CCDC171: variants seen among roughly 807,000 people sequenced by gnomAD.
CCDC171 encodes the protein coiled-coil domain containing 171.
In CCDC171, 177 loss-of-function variants were observed where a neutral mutation model predicts 168.2. The observed-to-expected ratio is 1.05, with a 90% CI of 0.93 to 1.19. The LOEUF (loss-of-function observed/expected upper bound fraction) is 1.19. Ranked by LOEUF, CCDC171 falls within the 50% of genes most tolerant of loss-of-function variation. The pLI, the probability that CCDC171 is intolerant of heterozygous loss-of-function variation, is 0.00. For missense variants in CCDC171, 1,991 were observed against 1,539.0 expected (o/e 1.29, Z -4.91); for synonymous variants, 687 against 540.8 (o/e 1.27, Z -3.75).
the CCDC171 span, among the ~76,000 whole-genome samples, chr9:16,086,554 C>T: frequency 6.6e-6 from 1 of 152,092 alleles, no homozygotes; most frequent in Non-Finnish European, 1.5e-5. Flanking sequence ...GATCTGCCCG[C>T]CTCAGCCTCC....
intron 6 of CCDC171, among the ~76,000 whole-genome samples, chr9:15,607,040 G>T (rs938869856): frequency 1.3e-5 from 2 of 152,282 alleles, no homozygotes; most frequent in African/African-American, 4.8e-5. Context: ...AGGTATTTTT[G>T]TAGTTTTTTT....
At chr9:15,761,245 C>T (rs1054710761) in intron 18 of CCDC171, among the ~76,000 whole-genome samples, 1 of 152,002 alleles carries the variant, frequency 6.6e-6, no homozygotes, top group South Asian at 2.1e-4. Flanking sequence ...TTTTTTATTG[C>T]GTACTTTGAG....
chr9:15,678,661 A>G, intron 9 of CCDC171, 97 bp from the exon 10 acceptor site: 3 of 955,600 alleles, frequency 3.1e-6, no homozygotes, highest in South Asian at 4.1e-5. Flanking sequence ...GCATGAACAC[A>G]TGATATGTAG....
intron 10 of CCDC171, among the ~76,000 whole-genome samples, chr9:15,689,750 T>C (rs2050655980): frequency 6.6e-6 from 1 of 152,036 alleles, no homozygotes; most frequent in South Asian, 2.1e-4. Flanking sequence ...AAAATAATCT[T>C]GAGAAAGAAC....
At chr9:15,790,020 G>A (rs1434870304) in intron 21 of CCDC171, among the ~76,000 whole-genome samples, 2 of 152,094 alleles carry the variant, frequency 1.3e-5, no homozygotes, top group African/African-American at 2.4e-5. Context: ...ATTTGGGTTG[G>A]TTCGAAGTCT....
intron 6 of CCDC171, 52 bp from the exon 7 acceptor site, chr9:15,623,215 A>T: frequency 7.3e-7 from 1 of 1,379,220 alleles, no homozygotes; most frequent in Non-Finnish European, 9.8e-7. Context: ...AGTGACTCTT[A>T]GTCATTGATG....
Position 15,986,197 on chromosome 9 carries a change from G to A in CCDC171, n.369-34392G>A, listed in dbSNP as rs1426767571. 2.6e-5 allele frequency among the ~76,000 whole-genome samples: 4 copies of A among 152,326 alleles called. No individual in the cohort carries two copies. In the East Asian group the frequency reaches 7.7e-4, roughly 29 times the overall value. On this transcript the variant is annotated intron_variant and non_coding_transcript_variant, in intron 3 of 9. Transcript: ENST00000486641. Reference sequence around the variant, plus strand: ...AGATTAAAATACATATTGATCTGCTGATAGGCAAAAGGTAAAGTTTAAAAG... The same window carrying A: ...AGATTAAAATACATATTGATCTGCTAATAGGCAAAAGGTAAAGTTTAAAAG...
At chr9:15,936,449 C>A (rs1235930163) in intron 25 of CCDC171, among the ~76,000 whole-genome samples, 2 of 151,934 alleles carry the variant, frequency 1.3e-5, no homozygotes, top group African/African-American at 2.4e-5. Flanking sequence ...TTCAGACCAG[C>A]TCATCTGTTG....
At chr9:15,798,554 T>G (rs1209080004) in intron 21 of CCDC171, among the ~76,000 whole-genome samples, 1 of 152,172 alleles carries the variant, frequency 6.6e-6, no homozygotes. Context: ...TTAGGTTAGT[T>G]TAGCCCTTCT....
rs746358599 is a variant in CCDC171, at chr9:15,594,047, T to C, written c.550T>C (p.Leu184=). The change falls in exon 6 of 26, where the codon TTG becomes CTG. Residue 184 remains leucine, a synonymous_variant. Transcript: ENST00000380701. ...SRLEKTLQEA[L]EKHQREKNEM... is the part of the protein sequence containing the mutation. ...AGATTTTATTTATATAAAGGAAGCG[T>C]TGGAAAAACATCAACGGGAGAAGAA... The C allele has an allele frequency of 5.7e-6, 9 of 1,584,804 alleles. No homozygotes were observed. In the Admixed American group the frequency reaches 7.3e-5, roughly 13 times the overall value.
chr9:15,746,437 G>C (rs181874766), intron 18 of CCDC171, among the ~76,000 whole-genome samples: 1 of 152,162 alleles, frequency 6.6e-6, no homozygotes, highest in African/African-American at 2.4e-5. Flanking sequence ...TGTGGCCATC[G>C]ATGTTGGTAA....
the CCDC171 span, among the ~76,000 whole-genome samples, chr9:16,089,090 G>C: frequency 1.3e-5 from 2 of 152,026 alleles, no homozygotes; most frequent in East Asian, 3.9e-4. Flanking sequence ...TGATAAACCT[G>C]ACAAAAACAA....
At chr9:15,721,104 T>G (rs1225039700) in intron 11 of CCDC171, among the ~76,000 whole-genome samples, 1 of 152,210 alleles carries the variant, frequency 6.6e-6, no homozygotes, top group Non-Finnish European at 1.5e-5. Context: ...GGGCATAACA[T>G]GGAAATGCTC....
intron 6 of CCDC171, among the ~76,000 whole-genome samples, chr9:15,598,262 T>C (rs537768552): frequency 6.6e-6 from 1 of 152,184 alleles, no homozygotes; most frequent in Non-Finnish European, 1.5e-5. Flanking sequence ...TTTAGATCTT[T>C]CCTGCTTTCT....
At chr9:16,056,838 A>G (rs2987089) in intron 1 of CCDC171, among the ~76,000 whole-genome samples, 15,124 of 152,198 alleles carry the variant, frequency 0.099, 952 homozygotes, top group African/African-American at 0.18. Flanking sequence ...AAGATGAATT[A>G]TATCTCATTA....
intron 11 of CCDC171, among the ~76,000 whole-genome samples, chr9:15,698,250 G>A (rs796438303): frequency 7.2e-5 from 11 of 152,208 alleles, no homozygotes; most frequent in African/African-American, 2.6e-4. Context: ...GGCCAGGCGC[G>A]GTGGCTCACG....
intron 24 of CCDC171, among the ~76,000 whole-genome samples, chr9:15,909,001 A>G (rs574121841): frequency 6.6e-6 from 1 of 152,316 alleles, no homozygotes; most frequent in East Asian, 1.9e-4. Flanking sequence ...TTCCATTTGC[A>G]TTACCTGTTT....
chr9:16,031,173 T>C (rs1044426020), intron 6 of CCDC171, among the ~76,000 whole-genome samples: 6 of 152,178 alleles, frequency 3.9e-5, no homozygotes, highest in Non-Finnish European at 8.8e-5. Flanking sequence ...GAGCATTCAT[T>C]TGAAAATAGG....
At chr9:15,909,867 G>C (rs973077779) in intron 24 of CCDC171, among the ~76,000 whole-genome samples, 1 of 152,012 alleles carries the variant, frequency 6.6e-6, no homozygotes, top group African/African-American at 2.4e-5. Context: ...TACAAATGCA[G>C]ATTTCTTACT....
Sources: allele counts gnomAD v4.1 joint callset (sites outside exome capture counted in the v4.1 genomes callset), GRCh38; gene constraint gnomAD v4.1.1; transcripts MANE v1.5; gene names NCBI Gene and HGNC (gene_info 2026-07-23, HGNC 2026-07-21).